The following SBF2 variants were observed in gnomAD, a reference collection of about 807,000 sequenced individuals.
The protein encoded by SBF2 is myotubularin-related protein 13.
In SBF2, 112 loss-of-function variants were observed where a neutral mutation model predicts 225.2. The observed-to-expected ratio is 0.50, with a 90% CI of 0.43 to 0.58. The LOEUF is 0.58. SBF2 is among the 20% of genes least tolerant of loss of function. SBF2 has a pLI of 0.00. For missense variants in SBF2, 1,996 were observed against 2,206.2 expected, an observed-to-expected ratio of 0.90 and a Z score of 1.91; for synonymous variants, 763 against 773.3, an observed-to-expected ratio of 0.99 and a Z score of 0.22.
At chr11:10,023,906 A>C (rs1948951048) in intron 6 of SBF2, among the ~76,000 whole-genome samples, 1 of 152,030 alleles carries the variant, frequency 6.6e-6, no homozygotes, top group East Asian at 1.9e-4. Flanking sequence ...ACTTATGTAC[A>C]TACTTATAAA....
intron 1 of SBF2, among the ~76,000 whole-genome samples, chr11:10,261,485 G>T (rs1261496378): frequency 6.6e-6 from 1 of 152,156 alleles, no homozygotes; most frequent in Non-Finnish European, 1.5e-5. Context: ...TTACAGGCGT[G>T]AGCCACTGTG....
At chr11:10,264,508 A>C (rs565430063) in intron 1 of SBF2, among the ~76,000 whole-genome samples, 20 of 152,308 alleles carry the variant, frequency 1.3e-4, no homozygotes, top group African/African-American at 4.6e-4. Flanking sequence ...TCCATGTGCC[A>C]GGTATTTTGC....
intron 12 of SBF2, among the ~76,000 whole-genome samples, chr11:9,989,880 C>A (rs553955854): frequency 6.6e-6 from 1 of 152,254 alleles, no homozygotes; most frequent in East Asian, 1.9e-4. Context: ...AGGCCTCAGT[C>A]AGAGAAATTC....
intron 1 of SBF2, among the ~76,000 whole-genome samples, chr11:10,252,014 A>G (rs1960400093): frequency 6.6e-6 from 1 of 152,240 alleles, no homozygotes. Flanking sequence ...CCAAACTAAA[A>G]TGGAGTCATC....
chr11:10,236,469 T>C (rs1175013048), intron 1 of SBF2, among the ~76,000 whole-genome samples: 1 of 152,124 alleles, frequency 6.6e-6, no homozygotes, highest in Non-Finnish European at 1.5e-5. Context: ...TCTTTTTTTT[T>C]GTTTTTTTGA....
At chr11:9,781,389 A>G (rs1851995454) in intron 39 of SBF2, 118 bp downstream of exon 39, 1 of 1,331,084 alleles carries the variant, frequency 7.5e-7, no homozygotes, top group Non-Finnish European at 1.1e-6. Flanking sequence ...CCCATAGCCA[A>G]GGGGGTCTGT....
rs1866735651 is a variant in SBF2, at chr11:9,963,849, T to C, written c.1634A>G (p.Asn545Ser). ...SIMDKVTTVFNSAQRLEVVRN... is the reference protein window; with the variant it reads ...SIMDKVTTVFSSAQRLEVVRN... ...GACAACTTCTAGTCTTTGTGCACTG[T>C]TGAAAACTGTCGTCACCTTGTCCAT... Residue 545 changes from asparagine to serine, a missense_variant, in exon 15 of 40, where the codon AAC (asparagine) becomes AGC (serine). Asn to Ser is a conservative substitution (Grantham distance 46). Transcript: ENST00000256190. 1 of 1,609,860 alleles carries C rather than the reference T, an allele frequency of 6.2e-7. No individual in the cohort carries two copies. The highest frequency in any genetic ancestry group is 8.5e-7 in the Non-Finnish European group (1 of 1,176,536).
intron 2 of SBF2, among the ~76,000 whole-genome samples, chr11:10,142,857 T>C (rs905006339): frequency 1.3e-5 from 2 of 152,208 alleles, no homozygotes; most frequent in African/African-American, 2.4e-5. Flanking sequence ...AGAATTTATT[T>C]TGACTGTTTT....
chr11:9,883,444 C>T (rs559993950), intron 17 of SBF2, among the ~76,000 whole-genome samples: 11 of 152,276 alleles, frequency 7.2e-5, no homozygotes, highest in African/African-American at 2.6e-4. Context: ...TATTACCTCT[C>T]ACTAGTCTAT....
At chr11:9,856,413 C>T (rs1249087227) in intron 19 of SBF2, 45 bp downstream of exon 19, 2 of 1,611,912 alleles carry the variant, frequency 1.2e-6, no homozygotes, top group African/African-American at 1.3e-5. Context: ...CAAGACTGGC[C>T]CCAAGAAGAG....
intron 16 of SBF2, among the ~76,000 whole-genome samples, chr11:9,921,783 C>T (rs1863652036): frequency 6.6e-6 from 1 of 152,206 alleles, no homozygotes; most frequent in Non-Finnish European, 1.5e-5. Context: ...TGCATACAGT[C>T]TCTTACAATT....
chr11:10,256,350 T>C (rs548108969), intron 1 of SBF2, among the ~76,000 whole-genome samples: 1 of 152,344 alleles, frequency 6.6e-6, no homozygotes, highest in East Asian at 1.9e-4. Context: ...CTACATTCTC[T>C]GATATCTCAC....
chr11:10,177,351 G>T (rs1008479529), intron 2 of SBF2, among the ~76,000 whole-genome samples: 1 of 143,160 alleles, frequency 7.0e-6, no homozygotes, highest in African/African-American at 2.6e-5. Context: ...GGGCAATTAG[G>T]CAGGAGAAGG....
intron 15 of SBF2, among the ~76,000 whole-genome samples, chr11:9,963,263 A>C (rs947808056): frequency 2.0e-5 from 3 of 152,066 alleles, no homozygotes; most frequent in African/African-American, 7.2e-5. Flanking sequence ...GCAGGAGTTC[A>C]AGACCAGTCT....
intron 19 of SBF2, among the ~76,000 whole-genome samples, chr11:9,855,090 CT>C (rs1857220560): frequency 6.6e-6 from 1 of 152,082 alleles, no homozygotes; most frequent in Non-Finnish European, 1.5e-5. Flanking sequence ...CGGGAAGATC[CT>C]TTTGGCAGTA....
intron 2 of SBF2, among the ~76,000 whole-genome samples, chr11:10,068,473 G>GT (rs372067019): frequency 6.6e-6 from 1 of 152,120 alleles, no homozygotes; most frequent in African/African-American, 2.4e-5. Context: ...CTCTAGCACT[G>GT]TGTTTAAGAC....
chr11:9,912,361 CG>C (rs1564992108), intron 16 of SBF2, among the ~76,000 whole-genome samples: 1 of 151,134 alleles, frequency 6.6e-6, no homozygotes, highest in African/African-American at 2.4e-5. Context: ...CTAAGGCAGG[CG>C]AATCACAAGG....
chr11:9,918,059 A>G (rs1004291547), intron 16 of SBF2, among the ~76,000 whole-genome samples: 2 of 151,524 alleles, frequency 1.3e-5, no homozygotes, highest in Non-Finnish European at 2.9e-5. Flanking sequence ...CCACCCAACA[A>G]TATGTTTAGT....
chr11:9,939,573 A>T (rs906679625), intron 16 of SBF2, among the ~76,000 whole-genome samples: 14 of 152,156 alleles, frequency 9.2e-5, no homozygotes, highest in African/African-American at 3.4e-4. Context: ...AGCAAACCAA[A>T]CAAGTTCTTT....
Sources: gnomAD v4.1 joint callset for allele counts (sites outside exome capture counted in the v4.1 genomes callset) on GRCh38, gnomAD v4.1.1 for gene constraint, MANE v1.5 for transcripts, NCBI Gene and HGNC (gene_info 2026-07-23, HGNC 2026-07-21) for gene names.